Variants in LIPC observed in about 807,000 individuals in gnomAD.
LIPC encodes the protein hepatic triacylglycerol lipase.
Under a neutral mutation model 50.7 loss-of-function variants are expected in LIPC, and 44 were observed. The ratio of observed to expected loss-of-function variants is 0.87; its 90% confidence interval spans 0.68 to 1.11. The LOEUF (loss-of-function observed/expected upper bound fraction) is 1.11. Among genes scored for constraint, LIPC ranks in the 50% most tolerant of loss-of-function variants. The probability of loss-of-function intolerance (pLI) is 0.00; values close to 1 mark genes in which losing one functional copy is unlikely to be tolerated. For synonymous variants in LIPC, 271 were observed against 256.4 expected (o/e 1.06, Z -0.54); for missense variants, 697 against 648.2 (o/e 1.08, Z -0.82).
At chr15:58,453,622 T>C (rs1893994117) in intron 1 of LIPC, among the ~76,000 whole-genome samples, 1 of 151,992 alleles carries the variant, frequency 6.6e-6, no homozygotes, top group African/African-American at 2.4e-5. Context: ...GTTCCGTACA[T>C]TGGCGCGGTG....
At chr15:58,432,186 A>C in intron 1 of LIPC, 66 bp downstream of exon 1, 1 of 1,203,480 alleles carries the variant, frequency 8.3e-7, no homozygotes, top group Non-Finnish European at 1.2e-6. Context: ...TGTCACAAAG[A>C]ATCCAGGGGT....
chr15:58,533,490 C>A (rs779860965), intron 1 of LIPC, among the ~76,000 whole-genome samples: 1 of 152,062 alleles, frequency 6.6e-6, no homozygotes, highest in South Asian at 2.1e-4. Context: ...TAATAGATTC[C>A]GATAAATATT....
intron 1 of LIPC, among the ~76,000 whole-genome samples, chr15:58,455,484 G>A (rs117866075): frequency 6.6e-6 from 1 of 152,180 alleles, no homozygotes; most frequent in Admixed American, 6.5e-5. Flanking sequence ...TGTCCCAATT[G>A]TAACTAGCAC....
chr15:58,455,012 G>A (rs780048738), intron 1 of LIPC: 17 of 152,242 alleles, frequency 1.1e-4, no homozygotes, highest in African/African-American at 2.4e-4. Context: ...GGTTATTTCC[G>A]TCTGTCGTAC....
intron 1 of LIPC, among the ~76,000 whole-genome samples, chr15:58,492,247 C>A (rs371907194): frequency 1.3e-5 from 2 of 152,144 alleles, no homozygotes; most frequent in East Asian, 1.9e-4. Flanking sequence ...TAGGAAAGGT[C>A]AGGCAAGTGG....
At chr15:58,502,531 T>C (rs183651909) in intron 1 of LIPC, among the ~76,000 whole-genome samples, 150 of 152,170 alleles carry the variant, frequency 9.9e-4, no homozygotes, top group African/African-American at 3.3e-3. Flanking sequence ...TTGTTTGTTT[T>C]TATGAAAACG....
At chr15:58,462,284 T>C (rs1201632640) in intron 1 of LIPC, among the ~76,000 whole-genome samples, 2 of 152,220 alleles carry the variant, frequency 1.3e-5, no homozygotes, top group Admixed American at 6.5e-5. Flanking sequence ...TGGAGAAATG[T>C]TGATGACTGA....
chr15:58,546,556 C>G (rs1339310864), intron 5 of LIPC, among the ~76,000 whole-genome samples: 1 of 152,180 alleles, frequency 6.6e-6, no homozygotes, highest in African/African-American at 2.4e-5. Context: ...GGTTGTGATC[C>G]CACTTCTCTC....
chr15:58,531,180 T>C (rs1389033230), intron 1 of LIPC, among the ~76,000 whole-genome samples: 1 of 152,188 alleles, frequency 6.6e-6, no homozygotes, highest in Non-Finnish European at 1.5e-5. Flanking sequence ...GGGAGAGAAG[T>C]GATATTCCGT....
At chr15:58,440,505 C>T (rs1433662546) in intron 1 of LIPC, among the ~76,000 whole-genome samples, 1 of 152,194 alleles carries the variant, frequency 6.6e-6, no homozygotes, top group Non-Finnish European at 1.5e-5. Flanking sequence ...GTGTACCAGG[C>T]CCCATGGTCA....
At chr15:58,493,489 G>A (rs1226808554) in intron 1 of LIPC, among the ~76,000 whole-genome samples, 1 of 149,914 alleles carries the variant, frequency 6.7e-6, no homozygotes, top group Non-Finnish European at 1.5e-5. Context: ...ATATTTTTTT[G>A]TGTATATATA....
chr15:58,489,219 G>GTGA lies in LIPC; in HGVS notation c.89-49114_89-49113insTGA, dbSNP rs1555400832. On this transcript the variant is annotated intron_variant, in intron 1 of 8. Transcript: ENST00000299022. ...ACCATTAGGGATTCATTTTGTTGCG[G>GTGA]GGGCGGGGGGGCGGCTTACAAGCTT... Among the ~76,000 whole-genome samples the GTGA allele has an allele frequency of 3.0e-5, 2 of 66,086 alleles. 1 individual carries two copies. Among genetic ancestry groups the GTGA allele is most frequent in the Non-Finnish European group, 6.1e-5 (2 of 32,882 alleles). The allele number at this position is 66,086 out of a possible 152,430, so 43.4% of individuals were successfully genotyped here.
At chr15:58,529,415 G>A (rs1444018338) in intron 1 of LIPC, among the ~76,000 whole-genome samples, 1 of 152,218 alleles carries the variant, frequency 6.6e-6, no homozygotes, top group African/African-American at 2.4e-5. Context: ...CCAGCAGACA[G>A]CAGCTCTGCC....
At chr15:58,494,120 T>C (rs1468192392) in intron 1 of LIPC, among the ~76,000 whole-genome samples, 1 of 152,128 alleles carries the variant, frequency 6.6e-6, no homozygotes, top group African/African-American at 2.4e-5. Context: ...CATGGGGGCC[T>C]CTCCCTAAAG....
chr15:58,537,780 C>T (rs1443363119), intron 1 of LIPC, among the ~76,000 whole-genome samples: 4 of 152,126 alleles, frequency 2.6e-5, no homozygotes, highest in Non-Finnish European at 5.9e-5. Flanking sequence ...CTGTGATTCC[C>T]CCAACCCTGC....
chr15:58,499,005 G>C (rs765920020), intron 1 of LIPC, among the ~76,000 whole-genome samples: 4 of 152,206 alleles, frequency 2.6e-5, no homozygotes, highest in African/African-American at 4.8e-5. Flanking sequence ...GCCTGTCAAC[G>C]GCCTTGCTTC....
At chr15:58,556,157 G>A (rs1235064947) in intron 6 of LIPC, among the ~76,000 whole-genome samples, 2 of 152,206 alleles carry the variant, frequency 1.3e-5, no homozygotes, top group African/African-American at 4.8e-5. Flanking sequence ...CACATAGTAG[G>A]ATCTCAACAA....
chr15:58,542,160 T>G (rs1396460902), intron 3 of LIPC, among the ~76,000 whole-genome samples, 193 bp downstream of exon 3: 2 of 152,148 alleles, frequency 1.3e-5, no homozygotes, highest in African/African-American at 4.8e-5. Context: ...AACCCCTGTT[T>G]CACAGAACCA....
chr15:58,445,886 A>G (rs755682518), intron 1 of LIPC, among the ~76,000 whole-genome samples: 12 of 152,054 alleles, frequency 7.9e-5, no homozygotes, highest in Non-Finnish European at 1.5e-4. Flanking sequence ...GTACGCATCT[A>G]TTTACTAAAT....
Sources: allele counts gnomAD v4.1 joint callset (sites outside exome capture counted in the v4.1 genomes callset), GRCh38; gene constraint gnomAD v4.1.1; transcripts MANE v1.5; gene names NCBI Gene and HGNC (gene_info 2026-07-23, HGNC 2026-07-21).